Variants in SEPTIN3 observed in about 807,000 individuals in gnomAD.
SEPTIN3 encodes the protein septin 3.
SEPTIN3 carries 15 observed loss-of-function variants against 45.1 expected under a neutral mutation model. The observed-to-expected ratio is 0.33, with a 90% confidence interval of 0.22 to 0.51. The LOEUF is 0.51. Among genes scored for constraint, SEPTIN3 ranks in the 20% least tolerant of loss-of-function variants. The pLI is 0.97. For missense variants in SEPTIN3, 289 were observed against 457.2 expected (o/e 0.63, Z 3.35); for synonymous variants, 148 against 164.8 (o/e 0.90, Z 0.78).
At chr22:41,987,842 T>A in intron 6 of SEPTIN3, 83 bp downstream of exon 6, 1 of 1,471,918 alleles carries the variant, frequency 6.8e-7, no homozygotes, top group Non-Finnish European at 9.3e-7. Flanking sequence ...ATCCATACGT[T>A]GACTCAGCTA....
At chr22:41,970,420 C>T (rs968480666) in intron 1 of SEPTIN3, among the ~76,000 whole-genome samples, 1 of 152,146 alleles carries the variant, frequency 6.6e-6, no homozygotes, top group Non-Finnish European at 1.5e-5. Flanking sequence ...CTTGCACAGC[C>T]CACGGAGCAG....
intron 3 of SEPTIN3, among the ~76,000 whole-genome samples, chr22:41,984,845 CTTTTTT>C (rs11380985): frequency 5.0e-5 from 5 of 100,662 alleles, no homozygotes; most frequent in Admixed American, 1.1e-4. Flanking sequence ...GTGGTTTTCC[CTTTTTT>C]TTTTTTTTTT....
At chr22:41,971,429 G>A (rs1003871789) in intron 1 of SEPTIN3, 45 bp from the exon 2 acceptor site, 2 of 398,672 alleles carry the variant, frequency 5.0e-6, no homozygotes, top group African/African-American at 4.1e-5. Context: ...CCAGGCCTGA[G>A]CTCCTCACCC....
chr22:41,992,618 G>A (rs1417906764), intron 8 of SEPTIN3, 46 bp from the exon 9 acceptor site: 4 of 1,310,610 alleles, frequency 3.1e-6, no homozygotes, highest in Middle Eastern at 4.0e-4. Context: ...GGTTGTTGGA[G>A]GATGACGGTG....
intron 2 of SEPTIN3, among the ~76,000 whole-genome samples, chr22:41,975,738 GT>G (rs2078011704): frequency 6.6e-6 from 1 of 151,896 alleles, no homozygotes; most frequent in Non-Finnish European, 1.5e-5. Flanking sequence ...CACCTTGTTG[GT>G]TTACCTCCTC....
chr22:41,972,037 C>T lies in SEPTIN3; in HGVS notation c.545C>T (p.Thr182Met), dbSNP rs574500240. 2.3e-5 allele frequency: 9 copies of T among 399,156 alleles called. No homozygotes were observed. The highest frequency in any genetic ancestry group is 2.5e-4 in the South Asian group (2 of 7,862). 24.7% of individuals were successfully genotyped at this position (399,156 alleles called of 1,614,324 possible). Reference protein sequence around the residue: ...GLTKSNRMLATEKPLVSSYLA... With the variant: ...GLTKSNRMLAMEKPLVSSYLA... ...ACCAAATCCAACAGGATGCTTGCCA[C>T]GGAGAAGCCCCTGGTGAGTTCCTAC... Residue 182 changes from threonine (T) to methionine (M), a missense_variant, in exon 2 of 12, where the codon ACG (threonine) becomes ATG (methionine). Around this residue, in one of 3 missense-constraint regions of SEPTIN3, gnomAD observed 200 missense variants for 315.1 expected, o/e 0.63. Coordinates refer to ENST00000644076, the MANE Select transcript of SEPTIN3 (RefSeq NM_001363845.2).
Position 41,971,544 on chromosome 22 carries a change from C to G in SEPTIN3, c.52C>G (p.Pro18Ala). ...TCCAGAGATGCAGTCGCATGGAGCT[C>G]CAGGCCCGGGAACCTCCTTCTCCCA... ...APPEMQSHGAPGPGTSFSHSH... is the reference protein window; with the variant it reads ...APPEMQSHGAAGPGTSFSHSH... The change falls in exon 2 of 12, where the codon CCA becomes GCA. Residue 18 changes from proline (P) to alanine (A), a missense_variant. By Grantham distance (27) the Pro-to-Ala change is conservative. Coordinates refer to ENST00000644076, the MANE Select transcript of SEPTIN3 (RefSeq NM_001363845.2). 2.5e-6 allele frequency: 1 copy of G among 399,182 alleles called. No homozygotes were observed. Among genetic ancestry groups the G allele is most frequent in the Non-Finnish European group, 4.4e-6 (1 of 226,200 alleles). 24.7% of individuals were successfully genotyped at this position (399,182 alleles called of 1,614,324 possible).
chr22:41,972,729 A>C lies in SEPTIN3; in HGVS notation c.1237A>C (p.Asn413His), dbSNP rs1052254406. The C allele has an allele frequency of 5.0e-6, 2 of 398,910 alleles. No homozygotes were observed. Among genetic ancestry groups the C allele is most frequent in the Admixed American group, 4.4e-5 (1 of 22,702 alleles). 24.7% of individuals were successfully genotyped at this position (398,910 alleles called of 1,614,324 possible). A position where few individuals can be genotyped will look rare whatever the true frequency, so the allele number is the denominator to read the frequency against. ...AACAGCCATGGCTTTGGCCAGAGTG[A>C]ACAGAGCCAAGCTGGGCACGGCTAA... ...LETAMALARV[N>H]RAKLGTAKNS... The change falls in exon 2 of 12, where the codon AAC (asparagine) becomes CAC (histidine). Residue 413 changes from asparagine to histidine, a missense_variant. Coordinates refer to ENST00000644076, the MANE Select transcript of SEPTIN3 (RefSeq NM_001363845.2).
At position 41,976,669 on chromosome 22, in the gene SEPTIN3, G is replaced by A. The variant is rs1209816937; in HGVS notation, c.1504+3673G>A. The A allele has an allele frequency of 5.9e-5, 9 of 152,642 alleles. No individual in the cohort carries two copies. In the East Asian group the frequency reaches 1.6e-3, roughly 26 times the overall value. 9.5% of individuals were successfully genotyped at this position (152,642 alleles called of 1,614,324 possible). Reference sequence around the variant, plus strand: ...GGGCCTGGCACCTGGAGCCCGCGGGGGCGGCTCCTGGACCGCCCGCAGCGT... The same window carrying A: ...GGGCCTGGCACCTGGAGCCCGCGGGAGCGGCTCCTGGACCGCCCGCAGCGT... On this transcript the variant is annotated intron_variant, in intron 2 of 11. Coordinates refer to ENST00000644076, the MANE Select transcript of SEPTIN3 (RefSeq NM_001363845.2). The surrounding 1 kb of genome is among the most constrained non-coding windows in gnomAD (Gnocchi z 5.8).
chr22:41,993,931 G>GTTA (rs542623464), intron 9 of SEPTIN3, among the ~76,000 whole-genome samples: 236 of 152,296 alleles, frequency 1.5e-3, no homozygotes, highest in Non-Finnish European at 2.4e-3. Context: ...TTTTCTCTGT[G>GTTA]TTACTTCCAA....
At chr22:41,981,084 A>G (rs1005812103) in intron 2 of SEPTIN3, among the ~76,000 whole-genome samples, 2 of 152,134 alleles carry the variant, frequency 1.3e-5, no homozygotes, top group African/African-American at 4.8e-5. Flanking sequence ...AGGATCCTAA[A>G]AAGTCTTTGC....
chr22:41,982,306 T>C (rs113043477), intron 3 of SEPTIN3: 5,837 of 157,292 alleles, frequency 0.037, 340 homozygotes, highest in African/African-American at 0.13. Context: ...GTCGGGAGTT[T>C]GAGACCAGCC....
At chr22:41,984,845 C>CTTTTTTTTTTTTTTTT (rs11380985) in intron 3 of SEPTIN3, among the ~76,000 whole-genome samples, 1 of 100,660 alleles carries the variant, frequency 9.9e-6, no homozygotes, top group Non-Finnish European at 1.9e-5. Context: ...GTGGTTTTCC[C>CTTTTTTTTTTTTTTTT]TTTTTTTTTT....
chr22:41,990,527 C>T (rs1206597042), intron 7 of SEPTIN3, among the ~76,000 whole-genome samples: 5 of 149,056 alleles, frequency 3.4e-5, no homozygotes, highest in South Asian at 2.1e-4. Context: ...GGGTGAATCA[C>T]GAAGTCAGGA....
chr22:41,974,532 G>A (rs1017185790), intron 2 of SEPTIN3, among the ~76,000 whole-genome samples: 1 of 151,498 alleles, frequency 6.6e-6, no homozygotes, highest in South Asian at 2.1e-4. Context: ...GTGTGGTGGT[G>A]GGTGCCTGTA....
chr22:41,973,503 C>CAAA (rs144943770), intron 2 of SEPTIN3, among the ~76,000 whole-genome samples: 8 of 121,686 alleles, frequency 6.6e-5, no homozygotes, highest in African/African-American at 2.6e-4. Context: ...ACTAAAAGTA[C>CAAA]AAAAAAAAAA....
intron 3 of SEPTIN3, among the ~76,000 whole-genome samples, chr22:41,983,158 C>T (rs1262393564): frequency 1.3e-5 from 2 of 152,186 alleles, no homozygotes; most frequent in African/African-American, 2.4e-5. Flanking sequence ...TGTCAAAGTG[C>T]TGACCTGCAG....
intron 3 of SEPTIN3, among the ~76,000 whole-genome samples, chr22:41,985,028 A>T (rs1036953529): frequency 2.2e-4 from 33 of 149,592 alleles, no homozygotes; most frequent in Middle Eastern, 7.0e-3. Flanking sequence ...AATTTTTTGT[A>T]TTTTTTTTAG....
intron 7 of SEPTIN3, among the ~76,000 whole-genome samples, chr22:41,990,185 C>T (rs2078283015): frequency 6.6e-6 from 1 of 151,882 alleles, no homozygotes; most frequent in Non-Finnish European, 1.5e-5. Context: ...GGACTACAGG[C>T]ACCCACCACC....
Sources: allele counts gnomAD v4.1 joint callset (sites outside exome capture counted in the v4.1 genomes callset), GRCh38; gene constraint gnomAD v4.1.1; regional missense constraint gnomAD v4.1.1; non-coding constraint Gnocchi (gnomAD v3.1); transcripts MANE v1.5; gene names NCBI Gene and HGNC (gene_info 2026-07-23, HGNC 2026-07-21).